LSAMP: variants seen among roughly 807,000 people sequenced by gnomAD.
LSAMP encodes the protein limbic system-associated membrane protein.
In LSAMP, 7 loss-of-function variants were observed where a neutral mutation model predicts 38.6. The observed-to-expected ratio is 0.18, with a 90% CI of 0.10 to 0.34. The LOEUF (loss-of-function observed/expected upper bound fraction) is 0.34. Among genes scored for constraint, LSAMP ranks in the 10% least tolerant of loss-of-function variants. The probability of loss-of-function intolerance (pLI) is 1.00; values close to 1 mark genes in which losing one functional copy is unlikely to be tolerated. For synonymous variants in LSAMP, 154 were observed against 166.8 expected (o/e 0.92, Z 0.59); for missense variants, 313 against 420.0 (o/e 0.75, Z 2.23).
Position 116,190,088 on chromosome 3 carries a change from GACACACAC to G in LSAMP, c.156-103540_156-103533del, listed in dbSNP as rs3071108. ...ACTATGAGCCTCAGGTCCAGTAGTA[GACACACAC>G]ACACACACACACACACACACACACA... is the stretch of plus-strand genomic sequence containing the variant. On this transcript the variant is annotated intron_variant, in intron 1 of 6. Transcript: ENST00000490035. Among the ~76,000 whole-genome samples the G allele has an allele frequency of 8.6e-4, 123 of 142,804 alleles. No individual in the cohort carries two copies. The East Asian group carries it at 9.6e-3, about 11-fold the overall frequency. 93.7% of individuals were successfully genotyped at this position (142,804 alleles called of 152,430 possible).
intron 1 of LSAMP, among the ~76,000 whole-genome samples, chr3:116,341,765 C>T (rs1288216472): frequency 1.3e-5 from 2 of 151,996 alleles, no homozygotes; most frequent in South Asian, 2.1e-4. Flanking sequence ...TGACTCCCGC[C>T]TTCCTTGACT....
intron 1 of LSAMP, among the ~76,000 whole-genome samples, chr3:116,365,712 A>G (rs1379977677): frequency 1.1e-5 from 1 of 95,146 alleles, no homozygotes; most frequent in Non-Finnish European, 1.9e-5. Flanking sequence ...TATCCTTTGT[A>G]GGGACATGTA....
intron 1 of LSAMP, among the ~76,000 whole-genome samples, chr3:116,440,686 T>G (rs2049421211): frequency 1.3e-5 from 2 of 152,222 alleles, no homozygotes; most frequent in Admixed American, 1.3e-4. Flanking sequence ...CTAGATGATA[T>G]ATAGTATGCT....
intron 6 of LSAMP, among the ~76,000 whole-genome samples, chr3:115,827,625 A>G (rs17711047): frequency 0.083 from 12,587 of 152,186 alleles, 737 homozygotes; most frequent in African/African-American, 0.18. Flanking sequence ...AAGCGAAACT[A>G]TAGAGTAAAC....
intron 1 of LSAMP, among the ~76,000 whole-genome samples, chr3:116,236,444 G>C (rs182847403): frequency 1.3e-5 from 2 of 152,014 alleles, no homozygotes; most frequent in Non-Finnish European, 2.9e-5. Context: ...AAACAATGAA[G>C]AAAATTATTC....
chr3:115,867,361 T>C lies in LSAMP; in HGVS notation c.515-14744A>G, dbSNP rs553609384. Among the ~76,000 whole-genome samples the C allele has an allele frequency of 2.6e-5, 4 of 152,176 alleles. No homozygotes were observed. In the South Asian group the frequency reaches 6.2e-4, roughly 24 times the overall value. On this transcript the variant is annotated intron_variant, in intron 3 of 6. Transcript: ENST00000490035. The stretch of plus-strand genomic sequence containing the variant: ...CTTATTGTATCAATAGCTCAACATA[T>C]CATATACTGATGCAATTTTAATTTT...
At chr3:116,103,547 C>CAAAAAAAAAA in intron 1 of LSAMP, among the ~76,000 whole-genome samples, 1 of 143,920 alleles carries the variant, frequency 6.9e-6, no homozygotes, top group Admixed American at 6.9e-5. Context: ...GTCACTTCCT[C>CAAAAAAAAAA]TCATTCCATC....
rs573537820 is a variant in LSAMP, at chr3:116,227,819, A to G, written c.156-141263T>C. Reference sequence around the variant, plus strand: ...TTAAATGGTCATAACTTTTAACTACATGATTTTGCCTAGTGACACAATAAC... The same window carrying G: ...TTAAATGGTCATAACTTTTAACTACGTGATTTTGCCTAGTGACACAATAAC... On this transcript the variant is annotated intron_variant, in intron 1 of 6. Transcript: ENST00000490035. Among the ~76,000 whole-genome samples, 26 of 152,262 alleles carry G rather than the reference A, an allele frequency of 1.7e-4. No homozygotes were observed. The South Asian group carries it at 5.0e-3, about 29-fold the overall frequency.
intron 1 of LSAMP, among the ~76,000 whole-genome samples, chr3:116,426,981 T>C (rs2049205409): frequency 6.6e-6 from 1 of 152,100 alleles, no homozygotes; most frequent in Non-Finnish European, 1.5e-5. Flanking sequence ...TGAGACTGAT[T>C]TATTCTATTT....
At chr3:116,349,191 T>C (rs1487401228) in intron 1 of LSAMP, among the ~76,000 whole-genome samples, 1 of 152,076 alleles carries the variant, frequency 6.6e-6, no homozygotes, top group East Asian at 1.9e-4. Context: ...TATTATGCTT[T>C]AGAAATAAAA....
chr3:116,322,554 A>C (rs912214843), intron 1 of LSAMP, among the ~76,000 whole-genome samples: 1 of 152,180 alleles, frequency 6.6e-6, no homozygotes, highest in African/African-American at 2.4e-5. Context: ...ATTTTATGTT[A>C]TATGTGGAAG....
At chr3:115,869,104 T>C (rs1402995820) in intron 3 of LSAMP, among the ~76,000 whole-genome samples, 2 of 152,092 alleles carry the variant, frequency 1.3e-5, no homozygotes, top group South Asian at 2.1e-4. Context: ...CTATGCTCAA[T>C]GGTTACGCTA....
At chr3:116,019,867 C>A (rs1438264535) in intron 2 of LSAMP, among the ~76,000 whole-genome samples, 1 of 152,088 alleles carries the variant, frequency 6.6e-6, no homozygotes, top group East Asian at 1.9e-4. Context: ...CATCTGAGTG[C>A]TGTAGGAAAT....
rs138920659 is a variant in LSAMP, at chr3:116,011,369, A to G, written c.514+8146T>C. ...CTGGTAAAATGATGGTACGAATGAG[A>G]TAAGCAGTCATGTATCAAGTAGAAA... On this transcript the variant is annotated intron_variant, in intron 3 of 6. Transcript: ENST00000490035. Among the ~76,000 whole-genome samples, 313 of 152,320 alleles carry G rather than the reference A, an allele frequency of 2.1e-3. 1 individual carries two copies. The highest frequency in any genetic ancestry group is 7.2e-3 in the African/African-American group (301 of 41,568).
At chr3:116,433,135 A>G (rs535551314) in intron 1 of LSAMP, among the ~76,000 whole-genome samples, 1 of 152,314 alleles carries the variant, frequency 6.6e-6, no homozygotes, top group Non-Finnish European at 1.5e-5. Context: ...ACACAAAACA[A>G]TCAGAAGTCA....
chr3:116,277,881 A>C (rs2047076558), intron 1 of LSAMP, among the ~76,000 whole-genome samples: 1 of 152,206 alleles, frequency 6.6e-6, no homozygotes, highest in South Asian at 2.1e-4. Context: ...TTTGCTGCTT[A>C]ATAAAAGAAA....
chr3:115,956,240 C>G (rs1938450809), intron 3 of LSAMP, among the ~76,000 whole-genome samples: 1 of 151,130 alleles, frequency 6.6e-6, no homozygotes, highest in Non-Finnish European at 1.5e-5. Flanking sequence ...GGTTATCAGG[C>G]TGGGACCTGA....
At chr3:116,334,495 A>G (rs375060662) in intron 1 of LSAMP, among the ~76,000 whole-genome samples, 21 of 152,268 alleles carry the variant, frequency 1.4e-4, no homozygotes, top group Middle Eastern at 3.4e-3. Context: ...ATCCTGAATA[A>G]AAGTCTAGAA....
At chr3:115,913,394 G>A (rs943008003) in intron 3 of LSAMP, among the ~76,000 whole-genome samples, 4 of 152,150 alleles carry the variant, frequency 2.6e-5, no homozygotes, top group Admixed American at 6.5e-5. Context: ...GCATGACAAA[G>A]CCATGGTCTT....
Sources: gnomAD v4.1 joint callset for allele counts (sites outside exome capture counted in the v4.1 genomes callset) on GRCh38, gnomAD v4.1.1 for gene constraint, MANE v1.5 for transcripts, NCBI Gene and HGNC (gene_info 2026-07-23, HGNC 2026-07-21) for gene names.